Variants in ZNF12 observed in about 807,000 individuals in gnomAD.
The protein encoded by ZNF12 is gonadotropin inducible transcription repressor 3.
In ZNF12, 34 loss-of-function variants were observed where a neutral mutation model predicts 66.6. The ratio of observed to expected loss-of-function variants is 0.51; its 90% CI spans 0.39 to 0.68. The LOEUF (loss-of-function observed/expected upper bound fraction) is 0.68. Among genes scored for constraint, ZNF12 ranks in the 30% least tolerant of loss-of-function variants. ZNF12 has a pLI of 0.00. For missense variants in ZNF12, 697 were observed against 826.9 expected (o/e 0.84, Z 1.93); for synonymous variants, 320 against 278.9 (o/e 1.15, Z -1.47).
Position 6,691,042 on chromosome 7 carries a change from C to T in ZNF12, c.1900G>A (p.Glu634Lys), listed in dbSNP as rs1780059178. 6.2e-7 allele frequency: 1 copy of T among 1,613,966 alleles called. No homozygotes were observed. Among genetic ancestry groups the T allele is most frequent in the Admixed American group, 1.7e-5 (1 of 59,994 alleles). ...AAGGCTTTTCCACACTCATTACATT[C>T]AAAGGGTTTCTCTCCTGAATGAATT... ...HRIHSGEKPF[E>K]CNECGKAFSR... The change falls in exon 5 of 5, where the codon GAA (glutamate) becomes AAA (lysine). Residue 634 changes from glutamate (E) to lysine (K), a missense_variant. By Grantham distance (56) the Glu-to-Lys change is moderately conservative (BLOSUM62 1). Around this residue, in one of 3 missense-constraint regions of ZNF12, gnomAD observed 401 missense variants for 519.0 expected, o/e 0.77. Coordinates refer to ENST00000405858, the MANE Select transcript of ZNF12 (RefSeq NM_016265.4).
rs147484487 is a variant in ZNF12, at chr7:6,696,173, G to C, written c.238+1166C>G. On this transcript the variant is annotated intron_variant, in intron 4 of 4. Coordinates refer to ENST00000405858, the MANE Select transcript of ZNF12 (RefSeq NM_016265.4). The surrounding 1 kb of genome is among the most constrained non-coding windows in gnomAD (Gnocchi z 4.0). ...AGGACTCATAGCATGACAGCATCTA[G>C]TCTTTGTTTACATTAAGTCAAAGGA... Among the ~76,000 whole-genome samples, 1,305 of 152,290 alleles carry C rather than the reference G, an allele frequency of 8.6e-3. 16 individuals are homozygous for C. Among genetic ancestry groups the C allele is most frequent in the Non-Finnish European group, 0.012 (842 of 68,024 alleles).
In ZNF12 at chr7:6,696,660, ATACT is replaced by A. The variant is rs373302298; in HGVS notation, c.238+675_238+678del. On this transcript the variant is annotated intron_variant, in intron 4 of 4. Transcript: ENST00000405858. This position sits in a 1 kb window ranked among gnomAD's most constrained non-coding sequence, Gnocchi z 4.0. ...AAACCAGACTTCATTTGCGTATATG[ATACT>A]TACTAAGCACCTGCCATGACAGGGT... 1.3e-5 allele frequency among the ~76,000 whole-genome samples: 2 copies of A among 152,366 alleles called. No individual in the cohort carries two copies. Among genetic ancestry groups the A allele is most frequent in the African/African-American group, 4.8e-5 (2 of 41,590 alleles).
chr7:6,701,275 T>G (rs1394864774), intron 2 of ZNF12, among the ~76,000 whole-genome samples: 1 of 152,102 alleles, frequency 6.6e-6, no homozygotes, highest in East Asian at 1.9e-4. Context: ...ATAAGCACCT[T>G]GAGAGAAAGA....
Position 6,690,702 on chromosome 7 carries a change from G to A in ZNF12, c.*146C>T. The A allele has an allele frequency of 1.3e-6, 1 of 774,990 alleles. No individual in the cohort carries two copies. The highest frequency in any genetic ancestry group is 2.1e-5 in the South Asian group (1 of 47,644). The allele number at this position is 774,990 out of a possible 1,614,324, so 48.0% of individuals were successfully genotyped here. A position where few individuals can be genotyped will look rare whatever the true frequency, so the allele number is the denominator to read the frequency against. On this transcript the variant is annotated 3_prime_UTR_variant, in exon 5 of 5. Coordinates refer to ENST00000405858, the MANE Select transcript of ZNF12 (RefSeq NM_016265.4). Reference sequence around the variant, plus strand: ...GTTATAATCATGGTTTCCATTCTGTGAGTCTTCAGATTATGAGTCCAACAC... The same window carrying A: ...GTTATAATCATGGTTTCCATTCTGTAAGTCTTCAGATTATGAGTCCAACAC...
In ZNF12 at chr7:6,690,498, G is replaced by C. The variant is rs1423495674; in HGVS notation, c.*350C>G. The C allele has an allele frequency of 5.9e-6, 1 of 168,924 alleles. No homozygotes were observed. Among genetic ancestry groups the C allele is most frequent in the Non-Finnish European group, 1.2e-5 (1 of 80,096 alleles). The allele number at this position is 168,924 out of a possible 1,614,324, so 10.5% of individuals were successfully genotyped here. A position where few individuals can be genotyped will look rare whatever the true frequency, so the allele number is the denominator to read the frequency against. On this transcript the variant is annotated 3_prime_UTR_variant, in exon 5 of 5. Transcript: ENST00000405858. ...TATTGTATCAGAAACATATCTTTTA[G>C]TATTAACAGTTTCCAAAGGATTATG... is the stretch of plus-strand genomic sequence containing the variant.
rs1003335325 is a variant in ZNF12 at position 6,706,911 on chromosome 7, A to G, written c.-530T>C. Reference sequence around the variant, plus strand: ...AGGCCAAAGCCTGGGAACTAGGGCGAGCGGTGACCTGGGGACGCACAGGAA... The same window carrying G: ...AGGCCAAAGCCTGGGAACTAGGGCGGGCGGTGACCTGGGGACGCACAGGAA... On this transcript the variant is annotated 5_prime_UTR_variant, in exon 1 of 5. Transcript: ENST00000405858. 3 of 413,718 alleles carry G rather than the reference A, an allele frequency of 7.3e-6. No homozygotes were observed. Among genetic ancestry groups the G allele is most frequent in the Non-Finnish European group, 4.8e-6 (1 of 208,370 alleles). The allele number at this position is 413,718 out of a possible 1,614,324, so 25.6% of individuals were successfully genotyped here. A position where few individuals can be genotyped will look rare whatever the true frequency, so the allele number is the denominator to read the frequency against.
At position 6,698,098 on chromosome 7, in the gene ZNF12, C is replaced by T; in HGVS notation, c.16-287G>A. The T allele has an allele frequency of 1.7e-6, 1 of 604,082 alleles. No individual in the cohort carries two copies. The highest frequency in any genetic ancestry group is 3.1e-6 in the Non-Finnish European group (1 of 319,834). 37.4% of individuals were successfully genotyped at this position (604,082 alleles called of 1,614,324 possible). ...ACACCAGCAGGGACGAATCTCACCC[C>T]TGAGGAGCACAGGCCTGGGGACACT... On this transcript the variant is annotated intron_variant, in intron 2 of 4. Coordinates refer to ENST00000405858, the MANE Select transcript of ZNF12 (RefSeq NM_016265.4). The surrounding 1 kb of genome is among the most constrained non-coding windows in gnomAD (Gnocchi z 4.4).
Position 6,690,995 on chromosome 7 carries a change from A to C in ZNF12, c.1947T>G (p.Thr649=). The C allele has an allele frequency of 6.2e-7, 1 of 1,614,166 alleles. No homozygotes were observed. ...GKAFSRMSYL[T]VHYRTHSGEK... Reference sequence around the variant, plus strand: ...CTCCTGAATGAGTTCTATAATGTACAGTGAGGTATGACATCCGAGAGAAGG... The same window carrying C: ...CTCCTGAATGAGTTCTATAATGTACCGTGAGGTATGACATCCGAGAGAAGG... Residue 649 remains threonine, a synonymous_variant, in exon 5 of 5, where the codon ACT becomes ACG. Coordinates refer to ENST00000405858, the MANE Select transcript of ZNF12 (RefSeq NM_016265.4).
At chr7:6,703,745 C>T (rs1193792028) in intron 2 of ZNF12, among the ~76,000 whole-genome samples, 2 of 152,092 alleles carry the variant, frequency 1.3e-5, no homozygotes, top group African/African-American at 4.8e-5. Flanking sequence ...GAGTCGTGAG[C>T]CAAGAGTGGA....
chr7:6,694,827 A>G lies in ZNF12; in HGVS notation c.239-2124T>C, dbSNP rs569389506. 3.3e-5 allele frequency among the ~76,000 whole-genome samples: 5 copies of G among 152,316 alleles called. No individual in the cohort carries two copies. In the East Asian group the frequency reaches 9.6e-4, roughly 29 times the overall value. On this transcript the variant is annotated intron_variant, in intron 4 of 4. Coordinates refer to ENST00000405858, the MANE Select transcript of ZNF12 (RefSeq NM_016265.4). ...TCCATTTCCCCTTGAAGTTGAGAAT[A>G]CTGTCTATAGAATCATTTTAATACA... is the stretch of plus-strand genomic sequence containing the variant.
intron 2 of ZNF12, among the ~76,000 whole-genome samples, chr7:6,700,259 T>C (rs1780214767): frequency 6.8e-6 from 1 of 146,046 alleles, no homozygotes; most frequent in Non-Finnish European, 1.5e-5. Flanking sequence ...TACTCCAGCC[T>C]GGGCAACAGA....
Position 6,696,333 on chromosome 7 carries a change from A to C in ZNF12, c.238+1006T>G, listed in dbSNP as rs1339160617. ...CTATAGAAGAAGAAGAGATTAGTAT[A>C]GTTTAGTAAATAAAGGGAGGTGGAA... is the stretch of plus-strand genomic sequence containing the variant. On this transcript the variant is annotated intron_variant, in intron 4 of 4. Transcript: ENST00000405858. The surrounding 1 kb of genome is among the most constrained non-coding windows in gnomAD (Gnocchi z 4.0). Among the ~76,000 whole-genome samples, 1 of 152,228 alleles carries C rather than the reference A, an allele frequency of 6.6e-6. No individual in the cohort carries two copies. Among genetic ancestry groups the C allele is most frequent in the Non-Finnish European group, 1.5e-5 (1 of 68,044 alleles).
Position 6,690,604 on chromosome 7 carries a change from C to T in ZNF12, c.*244G>A, listed in dbSNP as rs1780049968. 2.4e-6 allele frequency: 1 copy of T among 410,032 alleles called. No individual in the cohort carries two copies. 25.4% of individuals were successfully genotyped at this position (410,032 alleles called of 1,614,324 possible). A position where few individuals can be genotyped will look rare whatever the true frequency, so the allele number is the denominator to read the frequency against. On this transcript the variant is annotated 3_prime_UTR_variant, in exon 5 of 5. Transcript: ENST00000405858. ...GCAAAACAGTTCCAATCCATGGTGA[C>T]ATGTATATACATTCTTAATATTTAT...
chr7:6,706,916 T>C lies in ZNF12; in HGVS notation c.-535A>G, dbSNP rs1319019763. ...AAAGCCTGGGAACTAGGGCGAGCGG[T>C]GACCTGGGGACGCACAGGAAGCGAG... On this transcript the variant is annotated 5_prime_UTR_variant, in exon 1 of 5. Transcript: ENST00000405858. The C allele has an allele frequency of 9.7e-6, 4 of 412,610 alleles. No homozygotes were observed. The highest frequency in any genetic ancestry group is 8.2e-5 in the Admixed American group (3 of 36,644). The allele number at this position is 412,610 out of a possible 1,614,324, so 25.6% of individuals were successfully genotyped here.
At position 6,697,320 on chromosome 7, in the gene ZNF12, A is replaced by G; in HGVS notation, c.238+19T>C. The G allele has an allele frequency of 6.3e-7, 1 of 1,582,634 alleles. No homozygotes were observed. Among genetic ancestry groups the G allele is most frequent in the Non-Finnish European group, 8.6e-7 (1 of 1,159,832 alleles). ...ACACTCCCAAGTTACCGATCTCCTC[A>G]CTGCCTCCACTAACACACCTGGATA... On this transcript the variant is annotated intron_variant, in intron 4 of 4. Transcript: ENST00000405858. This position sits in a 1 kb window ranked among gnomAD's most constrained non-coding sequence, Gnocchi z 6.1.
chr7:6,691,980 C>A lies in ZNF12; in HGVS notation c.962G>T (p.Gly321Val), dbSNP rs1207897156. 4 of 1,613,846 alleles carry A rather than the reference C, an allele frequency of 2.5e-6. No individual in the cohort carries two copies. Among genetic ancestry groups the A allele is most frequent in the Middle Eastern group, 1.6e-4 (1 of 6,084 alleles). The change falls in exon 5 of 5, where the codon GGG (glycine) becomes GTG (valine). Residue 321 changes from glycine (G) to valine (V), a missense_variant. Physicochemically the swap from Gly to Val is moderately radical, Grantham distance 109 (BLOSUM62 -3). Around this residue, in one of 3 missense-constraint regions of ZNF12, gnomAD observed 401 missense variants for 519.0 expected, o/e 0.77. Transcript: ENST00000405858. ...TLTVHQRTHT[G>V]EKPYECNECG... ...TTCATTACATTCATAGGGCTTCTCC[C>A]CTGTGTGTGTTCTCTGATGCACAGT...
chr7:6,701,423 G>C (rs1050166768), intron 2 of ZNF12, among the ~76,000 whole-genome samples: 15 of 152,198 alleles, frequency 9.9e-5, no homozygotes, highest in Admixed American at 9.8e-4. Flanking sequence ...TGAAGCCCCA[G>C]AACAGCAGGT....
intron 1 of ZNF12, 127 bp downstream of exon 1, chr7:6,706,305 C>A: frequency 2.3e-6 from 1 of 430,984 alleles, no homozygotes; most frequent in East Asian, 7.4e-5. Flanking sequence ...ACCCTGCCTT[C>A]AAACCCAAAC....
At chr7:6,699,068 T>C (rs1212423999) in intron 2 of ZNF12, among the ~76,000 whole-genome samples, 1 of 152,196 alleles carries the variant, frequency 6.6e-6, no homozygotes, top group Non-Finnish European at 1.5e-5. Context: ...CACAGAAGTT[T>C]AAACAACTGA....
Sources: allele counts gnomAD v4.1 joint callset (sites outside exome capture counted in the v4.1 genomes callset), GRCh38; gene constraint gnomAD v4.1.1; regional missense constraint gnomAD v4.1.1; non-coding constraint Gnocchi (gnomAD v3.1); transcripts MANE v1.5; gene names NCBI Gene and HGNC (gene_info 2026-07-23, HGNC 2026-07-21).